Variants in MAGI2 observed in about 807,000 individuals in gnomAD.
MAGI2 encodes membrane-associated guanylate kinase, WW and PDZ domain-containing protein 2.
In MAGI2, 35 loss-of-function variants were observed where a neutral mutation model predicts 133.3. The ratio of observed to expected loss-of-function variants is 0.26; its 90% CI spans 0.20 to 0.35. The LOEUF (loss-of-function observed/expected upper bound fraction) is 0.35, where lower values mean the gene tolerates loss of function less well. Ranked by LOEUF, MAGI2 falls within the 10% of genes least tolerant of loss-of-function variation. MAGI2 has a pLI of 1.00. For synonymous variants in MAGI2, 729 were observed against 710.6 expected, an observed-to-expected ratio of 1.03 and a Z score of -0.41; for missense variants, 1,636 against 1,863.4, an observed-to-expected ratio of 0.88 and a Z score of 2.25.
intron 12 of MAGI2, among the ~76,000 whole-genome samples, chr7:78,188,236 C>T (rs189809117): frequency 6.6e-6 from 1 of 152,110 alleles, no homozygotes; most frequent in African/African-American, 2.4e-5. Context: ...TCTGAGGATA[C>T]CTTTTTAAAA....
chr7:78,377,189 C>G (rs1562911664), intron 6 of MAGI2, among the ~76,000 whole-genome samples: 1 of 151,968 alleles, frequency 6.6e-6, no homozygotes, highest in African/African-American at 2.4e-5. Flanking sequence ...ATAAAGCCAC[C>G]CATAACCTAC....
intron 1 of MAGI2, among the ~76,000 whole-genome samples, chr7:79,363,113 G>A (rs1842464684): frequency 6.6e-6 from 1 of 151,400 alleles, no homozygotes; most frequent in Non-Finnish European, 1.5e-5. Context: ...AAGGGTACAA[G>A]GTCGAAATGT....
At chr7:78,192,844 A>G (rs549997849) in intron 12 of MAGI2, among the ~76,000 whole-genome samples, 7 of 152,124 alleles carry the variant, frequency 4.6e-5, no homozygotes, top group Non-Finnish European at 1.0e-4. Context: ...GGTTGTGATG[A>G]GGCAGCAGCA....
intron 1 of MAGI2, among the ~76,000 whole-genome samples, chr7:79,254,680 A>G (rs1286723943): frequency 1.3e-5 from 2 of 152,218 alleles, no homozygotes; most frequent in Non-Finnish European, 2.9e-5. Flanking sequence ...CTGGGCCTCT[A>G]CATTTTTCCA....
At chr7:79,427,386 T>G (rs1847457452) in intron 1 of MAGI2, among the ~76,000 whole-genome samples, 1 of 152,084 alleles carries the variant, frequency 6.6e-6, no homozygotes, top group African/African-American at 2.4e-5. Flanking sequence ...ATTAAAAAAT[T>G]AATTAAATTA....
chr7:78,936,189 G>A (rs1025658811), intron 2 of MAGI2, among the ~76,000 whole-genome samples: 1 of 151,286 alleles, frequency 6.6e-6, no homozygotes, highest in Non-Finnish European at 1.5e-5. Flanking sequence ...AAAGTAAATA[G>A]GAAAAATGAA....
chr7:78,894,327 G>T (rs772714287), intron 2 of MAGI2, among the ~76,000 whole-genome samples: 1 of 152,182 alleles, frequency 6.6e-6, no homozygotes, highest in Admixed American at 6.5e-5. Flanking sequence ...GCGTGAACCC[G>T]GGTGGCAGAG....
At chr7:78,707,122 C>T (rs944102526) in intron 2 of MAGI2, among the ~76,000 whole-genome samples, 2 of 151,968 alleles carry the variant, frequency 1.3e-5, no homozygotes, top group Non-Finnish European at 2.9e-5. Context: ...ACACCCTTAA[C>T]TTAATTAGGG....
chr7:78,805,039 G>C (rs959202001), intron 2 of MAGI2, among the ~76,000 whole-genome samples: 1 of 151,028 alleles, frequency 6.6e-6, no homozygotes, highest in African/African-American at 2.4e-5. Flanking sequence ...TTGCACTCCA[G>C]CCTGGGCGAC....
intron 21 of MAGI2, among the ~76,000 whole-genome samples, chr7:78,046,750 T>A (rs1584935983): frequency 6.6e-6 from 1 of 152,324 alleles, no homozygotes; most frequent in East Asian, 1.9e-4. Context: ...CTAGCTACCC[T>A]TATTTGCAGA....
At chr7:78,483,224 G>GA (rs1004779305) in intron 6 of MAGI2, among the ~76,000 whole-genome samples, 3 of 151,676 alleles carry the variant, frequency 2.0e-5, no homozygotes, top group Non-Finnish European at 4.4e-5. Flanking sequence ...AGCCATATTT[G>GA]AAAAATTTTG....
At chr7:78,687,995 A>AAG (rs1816544586) in intron 2 of MAGI2, among the ~76,000 whole-genome samples, 1 of 131,586 alleles carries the variant, frequency 7.6e-6, no homozygotes, top group African/African-American at 2.9e-5. Context: ...AAAAAAAAAA[A>AAG]AAAAAAGAAA....
chr7:78,229,226 C>T (rs1282877183), intron 10 of MAGI2, among the ~76,000 whole-genome samples: 5 of 152,232 alleles, frequency 3.3e-5, no homozygotes, highest in Non-Finnish European at 5.9e-5. Context: ...TTGCACCAGG[C>T]ACTGTGCTAA....
intron 3 of MAGI2, among the ~76,000 whole-genome samples, chr7:78,568,960 C>A (rs1002115838): frequency 6.6e-6 from 1 of 152,096 alleles, no homozygotes; most frequent in Non-Finnish European, 1.5e-5. Flanking sequence ...TTCCCTCAGG[C>A]CCTTTCACTT....
chr7:79,119,937 T>C (rs1407610901), intron 1 of MAGI2, among the ~76,000 whole-genome samples: 1 of 152,136 alleles, frequency 6.6e-6, no homozygotes, highest in Non-Finnish European at 1.5e-5. Context: ...AAGGTAAGTG[T>C]TGCCCTGAGT....
At chr7:78,067,447 T>C (rs1334889617) in intron 21 of MAGI2, among the ~76,000 whole-genome samples, 1 of 152,202 alleles carries the variant, frequency 6.6e-6, no homozygotes, top group African/African-American at 2.4e-5. Flanking sequence ...TATGAGTGTA[T>C]GTGTCCAATC....
At chr7:78,178,141 C>T (rs1227666624) in intron 13 of MAGI2, 39 bp from the exon 14 acceptor site, 6 of 1,305,622 alleles carry the variant, frequency 4.6e-6, no homozygotes, top group Non-Finnish European at 6.7e-6. Flanking sequence ...TGAATCCTGC[C>T]TCTTTCCCAG....
intron 3 of MAGI2, among the ~76,000 whole-genome samples, chr7:78,523,098 A>G (rs1399135724): frequency 3.3e-5 from 5 of 152,226 alleles, no homozygotes; most frequent in African/African-American, 1.2e-4. Flanking sequence ...ACATCTGGGT[A>G]AAAGGTGTGC....
chr7:78,592,470 G>A (rs2150848067), intron 3 of MAGI2, among the ~76,000 whole-genome samples: 1 of 151,948 alleles, frequency 6.6e-6, no homozygotes, highest in African/African-American at 2.4e-5. Context: ...TTAGAGCAAG[G>A]GGATAGAAGG....
Sources: allele counts gnomAD v4.1 joint callset (sites outside exome capture counted in the v4.1 genomes callset), GRCh38; gene constraint gnomAD v4.1.1; transcripts MANE v1.5; gene names NCBI Gene and HGNC (gene_info 2026-07-23, HGNC 2026-07-21).